FRYL: variants seen among roughly 807,000 people sequenced by gnomAD.
FRYL encodes the protein protein furry homolog-like.
Under a neutral mutation model 351.2 loss-of-function variants are expected in FRYL, and 150 were observed. That is an observed-to-expected ratio of 0.43 (90% CI 0.37 to 0.49). The LOEUF (loss-of-function observed/expected upper bound fraction) is 0.49. FRYL is among the 20% of genes least tolerant of loss of function. FRYL has a pLI of 0.00. For missense variants in FRYL, 3,036 were observed against 3,619.3 expected (o/e 0.84, Z 4.13); for synonymous variants, 1,153 against 1,257.1 (o/e 0.92, Z 1.75).
chr4:48,720,860 T>C lies in FRYL; in HGVS notation c.-383-10162A>G, dbSNP rs527252068. ...ACCACACAGGGACACAGTTTAAACATACTCTAGCTAAGATAGATTCTATGG... is the reference window on the plus strand; with the variant it reads ...ACCACACAGGGACACAGTTTAAACACACTCTAGCTAAGATAGATTCTATGG... On this transcript the variant is annotated intron_variant, in intron 1 of 63. Transcript: ENST00000358350. 3.3e-5 allele frequency among the ~76,000 whole-genome samples: 5 copies of C among 152,366 alleles called. No individual in the cohort carries two copies. The South Asian group carries it at 8.3e-4, about 25-fold the overall frequency.
intron 11 of FRYL, among the ~76,000 whole-genome samples, chr4:48,604,024 C>T (rs1746231221): frequency 6.6e-6 from 1 of 152,176 alleles, no homozygotes; most frequent in Non-Finnish European, 1.5e-5. Context: ...TTTGGCAATC[C>T]TATGCCCCCT....
At chr4:48,724,983 G>C (rs894483716) in intron 1 of FRYL, among the ~76,000 whole-genome samples, 3 of 152,156 alleles carry the variant, frequency 2.0e-5, no homozygotes, top group Non-Finnish European at 4.4e-5. Flanking sequence ...AAGCTTAAAA[G>C]GAGAAGCAAT....
chr4:48,770,796 T>C (rs751602120), intron 1 of FRYL, among the ~76,000 whole-genome samples: 4 of 152,278 alleles, frequency 2.6e-5, no homozygotes, highest in South Asian at 4.1e-4. Context: ...AGCATACACA[T>C]ATTGGGAATG....
rs757286932 is a variant in FRYL, at chr4:48,515,279, C to T, written c.7690-4G>A. 11 of 1,589,972 alleles carry T rather than the reference C, an allele frequency of 6.9e-6. No individual in the cohort carries two copies. Among genetic ancestry groups the T allele is most frequent in the Middle Eastern group, 1.7e-4 (1 of 5,928 alleles). ...CCTTTAATACTGAAGTTGTATCCTA[C>T]AAAACAATCATAGTTTTAGTGAACT... On this transcript the variant is annotated splice_region_variant and splice_polypyrimidine_tract_variant and intron_variant, in intron 55 of 63. Coordinates refer to ENST00000358350, the MANE Select transcript of FRYL (RefSeq NM_015030.2).
chr4:48,729,688 G>C (rs1465327239), intron 1 of FRYL, among the ~76,000 whole-genome samples: 1 of 152,176 alleles, frequency 6.6e-6, no homozygotes, highest in African/African-American at 2.4e-5. Flanking sequence ...GAAAGGAAGA[G>C]CATCAACATC....
chr4:48,765,631 C>T (rs1199249406), intron 1 of FRYL, among the ~76,000 whole-genome samples: 1 of 151,724 alleles, frequency 6.6e-6, no homozygotes, highest in Non-Finnish European at 1.5e-5. Context: ...GCAAAGGCAA[C>T]AAAGCAAAAC....
Position 48,680,795 on chromosome 4 carries a change from ACTT to A in FRYL, c.-81+3875_-81+3877del. ...TATTAAAAAAGTAGGCCAACTATATACTTCATTAAACATTTTAATATTTAAACT... is the reference window on the plus strand; with the variant it reads ...TATTAAAAAAGTAGGCCAACTATATACATTAAACATTTTAATATTTAAACT... On this transcript the variant is annotated intron_variant, in intron 3 of 63. Coordinates refer to ENST00000358350, the MANE Select transcript of FRYL (RefSeq NM_015030.2). 1.2e-5 allele frequency: 3 copies of A among 255,244 alleles called. No homozygotes were observed. In the East Asian group the frequency reaches 4.0e-4, roughly 34 times the overall value. The allele number at this position is 255,244 out of a possible 1,614,324, so 15.8% of individuals were successfully genotyped here. A position where few individuals can be genotyped will look rare whatever the true frequency, so the allele number is the denominator to read the frequency against.
chr4:48,669,654 A>G (rs537320577), intron 3 of FRYL, among the ~76,000 whole-genome samples: 72 of 147,182 alleles, frequency 4.9e-4, no homozygotes, highest in African/African-American at 1.7e-3. Context: ...AAAATTATAT[A>G]TCTCATTAAT....
intron 4 of FRYL, among the ~76,000 whole-genome samples, chr4:48,630,530 T>C (rs1299766921): frequency 1.3e-5 from 2 of 152,156 alleles, no homozygotes; most frequent in African/African-American, 4.8e-5. Flanking sequence ...ACAGATAAAC[T>C]TGGATATACC....
chr4:48,707,000 C>T (rs1051506839), intron 2 of FRYL, among the ~76,000 whole-genome samples: 1 of 152,072 alleles, frequency 6.6e-6, no homozygotes, highest in Non-Finnish European at 1.5e-5. Context: ...GCCAAAAGCA[C>T]CCAGCTAAGC....
At position 48,653,822 on chromosome 4, in the gene FRYL, CAGCAGCAGCAGAAGCAGA is replaced by C. The variant is rs943541982; in HGVS notation, c.-80-19350_-80-19333del. 3.2e-5 allele frequency: 41 copies of C among 1,287,030 alleles called. 2 individuals are homozygous for C. In the Admixed American group the frequency reaches 9.0e-4, roughly 28 times the overall value. 79.7% of individuals were successfully genotyped at this position (1,287,030 alleles called of 1,614,324 possible). ...TCAGCTGCAAAAGCAGCAGCAGCAG[CAGCAGCAGCAGAAGCAGA>C]AGCAGCAGCAGCAGCGGTTTTGCCG... On this transcript the variant is annotated intron_variant, in intron 3 of 63. Coordinates refer to ENST00000358350, the MANE Select transcript of FRYL (RefSeq NM_015030.2).
intron 49 of FRYL, among the ~76,000 whole-genome samples, chr4:48,532,259 C>T (rs1727827406): frequency 6.6e-6 from 1 of 152,080 alleles, no homozygotes. Context: ...TTGGGTTATC[C>T]AATTGAGTTC....
At chr4:48,620,802 A>G in intron 5 of FRYL, 24 bp from the exon 6 acceptor site, 1 of 1,597,184 alleles carries the variant, frequency 6.3e-7, no homozygotes, top group African/African-American at 1.3e-5. Flanking sequence ...ATATTACCAG[A>G]AAATAAATTG....
At chr4:48,663,036 G>T (rs1442540886) in intron 3 of FRYL, among the ~76,000 whole-genome samples, 1 of 152,104 alleles carries the variant, frequency 6.6e-6, no homozygotes, top group African/African-American at 2.4e-5. Flanking sequence ...ACAAATGAAT[G>T]AAGAATGTCA....
chr4:48,512,574 C>T lies in FRYL; in HGVS notation c.8052G>A (p.Glu2684=), dbSNP rs753044750. 1 of 1,614,056 alleles carries T rather than the reference C, an allele frequency of 6.2e-7. No individual in the cohort carries two copies. The highest frequency in any genetic ancestry group is 8.5e-7 in the Non-Finnish European group (1 of 1,179,966). The change falls in exon 57 of 64, where the codon GAG becomes GAA. Residue 2684 remains glutamate, a synonymous_variant. Transcript: ENST00000358350. ...GATTGACGTGGCAGCGCCAGGCTTC[C>T]TCTTCATCATCATATGCCACGGGCT... is the stretch of plus-strand genomic sequence containing the variant. ...AFQPVAYDDE[E]EAWRCHVNQM... is the part of the protein sequence containing the mutation.
At chr4:48,652,701 A>G (rs1180795954) in intron 3 of FRYL, among the ~76,000 whole-genome samples, 2 of 152,218 alleles carry the variant, frequency 1.3e-5, no homozygotes, top group Non-Finnish European at 2.9e-5. Flanking sequence ...TCTCATGTCA[A>G]TATTTTCACT....
rs1476806553 is a variant in FRYL at position 48,510,812 on chromosome 4, TAAACCTGCATGTA to T, written c.8295+10_8295+22del. 3 of 1,586,610 alleles carry T rather than the reference TAAACCTGCATGTA, an allele frequency of 1.9e-6. No homozygotes were observed. Among genetic ancestry groups the T allele is most frequent in the Non-Finnish European group, 2.6e-6 (3 of 1,158,570 alleles). On this transcript the variant is annotated intron_variant, in intron 58 of 63. Transcript: ENST00000358350. ...TGCCATTCCAATGTAGTCTTTATAATAAACCTGCATGTAAAAACTTACTGTTTCAGCATCCACA... is the reference window on the plus strand; with the variant it reads ...TGCCATTCCAATGTAGTCTTTATAATAAAACTTACTGTTTCAGCATCCACA...
At chr4:48,700,071 A>G (rs1222272748) in intron 2 of FRYL, among the ~76,000 whole-genome samples, 1 of 152,216 alleles carries the variant, frequency 6.6e-6, no homozygotes, top group African/African-American at 2.4e-5. Flanking sequence ...AGAGACACGA[A>G]TGATGAATAA....
intron 1 of FRYL, among the ~76,000 whole-genome samples, chr4:48,734,862 A>C (rs561635858): frequency 1.3e-5 from 2 of 152,312 alleles, no homozygotes; most frequent in East Asian, 3.9e-4. Flanking sequence ...AAAACCATAA[A>C]AACTCTAGAA....
Sources: gnomAD v4.1 joint callset for allele counts (sites outside exome capture counted in the v4.1 genomes callset) on GRCh38, gnomAD v4.1.1 for gene constraint, MANE v1.5 for transcripts, NCBI Gene and HGNC (gene_info 2026-07-23, HGNC 2026-07-21) for gene names.